Variants in CTDSPL observed in about 807,000 individuals in gnomAD.
CTDSPL encodes the protein CTD small phosphatase-like protein.
In CTDSPL, 8 loss-of-function variants were observed where a neutral mutation model predicts 30.5. The observed-to-expected ratio is 0.26, with a 90% CI of 0.15 to 0.47. The LOEUF (loss-of-function observed/expected upper bound fraction) is 0.47. CTDSPL is among the 20% of genes least tolerant of loss of function. CTDSPL has a pLI of 0.99. For missense variants in CTDSPL, 248 were observed against 366.1 expected (o/e 0.68, Z 2.63); for synonymous variants, 110 against 137.9 (o/e 0.80, Z 1.42).
intron 1 of CTDSPL, among the ~76,000 whole-genome samples, chr3:37,875,052 G>A (rs1202258539): frequency 6.6e-6 from 1 of 152,078 alleles, no homozygotes; most frequent in Non-Finnish European, 1.5e-5. Context: ...AAAAAATGGG[G>A]ATGCATATTC....
intron 1 of CTDSPL, among the ~76,000 whole-genome samples, chr3:37,943,188 G>A (rs1406141791): frequency 6.7e-6 from 1 of 150,264 alleles, no homozygotes; most frequent in African/African-American, 2.4e-5. Context: ...TGGATGAACT[G>A]GCCTGGCCCA....
At chr3:37,973,418 G>T (rs569867926) in intron 6 of CTDSPL, among the ~76,000 whole-genome samples, 1 of 152,324 alleles carries the variant, frequency 6.6e-6, no homozygotes, top group African/African-American at 2.4e-5. Flanking sequence ...TCCTTGTTCG[G>T]TTACTCTTCC....
Position 37,880,732 on chromosome 3 carries a change from T to C in CTDSPL, c.79+18454T>C, listed in dbSNP as rs910137402. 3.9e-5 allele frequency among the ~76,000 whole-genome samples: 6 copies of C among 152,342 alleles called. No individual in the cohort carries two copies. In the South Asian group the frequency reaches 1.0e-3, roughly 26 times the overall value. Reference sequence around the variant, plus strand: ...TACACACTATATCTAGGTGTATAACTAAATACAAATGGAGTTTTGAGATGT... The same window carrying C: ...TACACACTATATCTAGGTGTATAACCAAATACAAATGGAGTTTTGAGATGT... On this transcript the variant is annotated intron_variant, in intron 1 of 7. Transcript: ENST00000273179.
chr3:37,969,401 G>C (rs1234338119), intron 5 of CTDSPL: 1 of 528,454 alleles, frequency 1.9e-6, no homozygotes, highest in Non-Finnish European at 3.9e-6. Flanking sequence ...CCTGGCGAAG[G>C]CCGTGGCCTC....
intron 1 of CTDSPL, among the ~76,000 whole-genome samples, chr3:37,933,108 G>A (rs559982427): frequency 5.1e-4 from 75 of 145,968 alleles, no homozygotes; most frequent in African/African-American, 1.9e-3. Flanking sequence ...AGTCAAGACC[G>A]CTCCACTACA....
intron 2 of CTDSPL, among the ~76,000 whole-genome samples, chr3:37,947,776 A>G (rs1165873290): frequency 6.6e-6 from 1 of 152,254 alleles, no homozygotes; most frequent in Non-Finnish European, 1.5e-5. Flanking sequence ...AACAACCAGT[A>G]GCAGACTCAC....
intron 1 of CTDSPL, among the ~76,000 whole-genome samples, chr3:37,887,628 T>C (rs540059206): frequency 2.0e-5 from 3 of 152,318 alleles, no homozygotes; most frequent in African/African-American, 7.2e-5. Flanking sequence ...AATCTATGCA[T>C]GTGAAGCGCT....
intron 1 of CTDSPL, among the ~76,000 whole-genome samples, chr3:37,881,658 A>T (rs192709704): frequency 1.3e-5 from 2 of 152,386 alleles, no homozygotes; most frequent in Non-Finnish European, 1.5e-5. Context: ...GAACAACAAC[A>T]AAAAACACCA....
At position 37,958,308 on chromosome 3, in the gene CTDSPL, T is replaced by C. The variant is rs578061472; in HGVS notation, c.267+1165T>C. On this transcript the variant is annotated intron_variant, in intron 3 of 7. Coordinates refer to ENST00000273179, the MANE Select transcript of CTDSPL (RefSeq NM_001008392.2). ...TTTGCCCATGTGCCTGAGGGTTGGG[T>C]TTTGTTGAGAAAACTGGCTTTGATC... 2.4e-4 allele frequency among the ~76,000 whole-genome samples: 36 copies of C among 152,298 alleles called. No individual in the cohort carries two copies. The South Asian group carries it at 7.1e-3, about 30-fold the overall frequency.
chr3:37,905,357 A>G (rs1002683011), intron 1 of CTDSPL, among the ~76,000 whole-genome samples: 2 of 151,374 alleles, frequency 1.3e-5, no homozygotes. Flanking sequence ...TGTCTCAGAT[A>G]ATGCCTACAA....
At chr3:37,968,921 G>A (rs1194960086) in intron 5 of CTDSPL, among the ~76,000 whole-genome samples, 1 of 152,180 alleles carries the variant, frequency 6.6e-6, no homozygotes, top group Non-Finnish European at 1.5e-5. Flanking sequence ...TCCCTCCCAT[G>A]TCCTTGCTTT....
intron 1 of CTDSPL, among the ~76,000 whole-genome samples, chr3:37,942,558 T>C (rs1212258000): frequency 1.3e-5 from 2 of 149,924 alleles, no homozygotes; most frequent in East Asian, 3.9e-4. Context: ...TGGGAGGATG[T>C]CTTGAGCCCC....
At chr3:37,977,888 C>T (rs896197498) in intron 7 of CTDSPL, among the ~76,000 whole-genome samples, 2 of 151,850 alleles carry the variant, frequency 1.3e-5, no homozygotes, top group South Asian at 2.1e-4. Flanking sequence ...CAGAGCAAGA[C>T]CCTATCCCAA....
chr3:37,900,362 T>C (rs1698435666), intron 1 of CTDSPL, among the ~76,000 whole-genome samples: 1 of 152,208 alleles, frequency 6.6e-6, no homozygotes, highest in South Asian at 2.1e-4. Context: ...CAACTAGAAC[T>C]AGCAATTCTT....
At chr3:37,878,005 C>G (rs1698158064) in intron 1 of CTDSPL, among the ~76,000 whole-genome samples, 1 of 152,142 alleles carries the variant, frequency 6.6e-6, no homozygotes, top group Non-Finnish European at 1.5e-5. Flanking sequence ...GACATCCAAA[C>G]TATATCACCT....
intron 1 of CTDSPL, among the ~76,000 whole-genome samples, chr3:37,909,341 C>T (rs1698553818): frequency 6.6e-6 from 1 of 152,212 alleles, no homozygotes; most frequent in Non-Finnish European, 1.5e-5. Context: ...CAAACACTGG[C>T]ATAGCAGATG....
rs1476719588 is a variant in CTDSPL, at chr3:37,960,529, TATATATACAC to T, written c.267+3388_267+3397del. 4.7e-3 allele frequency among the ~76,000 whole-genome samples: 283 copies of T among 59,666 alleles called. 2 individuals carry two copies. Among genetic ancestry groups the T allele is most frequent in the African/African-American group, 0.012 (161 of 12,886 alleles). 39.1% of individuals were successfully genotyped at this position (59,666 alleles called of 152,430 possible). A position where few individuals can be genotyped will look rare whatever the true frequency, so the allele number is the denominator to read the frequency against. ...AAATATATATATATATATATATATA[TATATATACAC>T]ACACACACACACACACACACACACA... On this transcript the variant is annotated intron_variant, in intron 3 of 7. Transcript: ENST00000273179.
At chr3:37,924,787 T>C (rs1475233905) in intron 1 of CTDSPL, among the ~76,000 whole-genome samples, 2 of 152,184 alleles carry the variant, frequency 1.3e-5, no homozygotes, top group Non-Finnish European at 2.9e-5. Flanking sequence ...GTGCCGATGG[T>C]AGGAAAGCTC....
intron 2 of CTDSPL, among the ~76,000 whole-genome samples, chr3:37,951,689 A>G (rs1174864430): frequency 6.6e-6 from 1 of 150,788 alleles, no homozygotes; most frequent in East Asian, 2.0e-4. Context: ...TCAAAAAGCA[A>G]TGTAGAAATA....
Sources: gnomAD v4.1 joint callset for allele counts (sites outside exome capture counted in the v4.1 genomes callset) on GRCh38, gnomAD v4.1.1 for gene constraint, MANE v1.5 for transcripts, NCBI Gene and HGNC (gene_info 2026-07-23, HGNC 2026-07-21) for gene names.